The following RAD21L1 variants were observed in gnomAD, a reference collection of about 807,000 sequenced individuals.
The protein encoded by RAD21L1 is RAD21 cohesin complex component like 1.
Under a neutral mutation model 69.0 loss-of-function variants are expected in RAD21L1, and 47 were observed. The observed-to-expected ratio is 0.68, with a 90% CI of 0.54 to 0.87. The LOEUF is 0.87. Among genes scored for constraint, RAD21L1 ranks in the 40% least tolerant of loss-of-function variants. The pLI is 0.00. For synonymous variants in RAD21L1, 177 were observed against 205.8 expected, an observed-to-expected ratio of 0.86 and a Z score of 1.20; for missense variants, 583 against 647.6, an observed-to-expected ratio of 0.90 and a Z score of 1.08.
Position 1,244,059 on chromosome 20 carries a change from G to T in RAD21L1, c.1197G>T (p.Met399Ile), listed in dbSNP as rs749666847. The T allele has an allele frequency of 6.5e-7, 1 of 1,549,970 alleles. No homozygotes were observed. Among genetic ancestry groups the T allele is most frequent in the South Asian group, 1.2e-5 (1 of 83,810 alleles). ...TTGATAATTCAGAGACATCCATGATGCAAGAGCCAAATTACCAGCAAGAGT... is the reference window on the plus strand; with the variant it reads ...TTGATAATTCAGAGACATCCATGATTCAAGAGCCAAATTACCAGCAAGAGT... ...GNQNIVETSMMQEPNYQQELS... is the reference protein window; with the variant it reads ...GNQNIVETSMIQEPNYQQELS... The change falls in exon 11 of 14, where the codon ATG becomes ATT. Residue 399 changes from methionine to isoleucine, a missense_variant. By Grantham distance (10) the Met-to-Ile change is conservative (BLOSUM62 1). Coordinates refer to ENST00000683101, the MANE Select transcript of RAD21L1 (RefSeq NM_001384355.1).
In RAD21L1 at chr20:1,244,315, G is replaced by A. The variant is rs2087677791; in HGVS notation, c.1308+145G>A. 3 of 594,696 alleles carry A rather than the reference G, an allele frequency of 5.0e-6. No individual in the cohort carries two copies. The East Asian group carries it at 9.3e-5, about 18-fold the overall frequency. 36.8% of individuals were successfully genotyped at this position (594,696 alleles called of 1,614,324 possible). ...TTGCAATTTGTTTAGTAAGTAGCAG[G>A]GTAAAACATGATTTTCTTCTGCAGA... On this transcript the variant is annotated intron_variant, in intron 11 of 13. Transcript: ENST00000683101.
At chr20:1,248,954 C>T (rs891008155) in intron 13 of RAD21L1, among the ~76,000 whole-genome samples, 1 of 152,108 alleles carries the variant, frequency 6.6e-6, no homozygotes, top group Non-Finnish European at 1.5e-5. Flanking sequence ...GTCCCATCCT[C>T]GTTTTTAGCA....
rs1226748184 is a variant in RAD21L1, at chr20:1,242,653, A to T, written c.891A>T (p.Arg297Ser). The T allele has an allele frequency of 6.4e-7, 1 of 1,551,452 alleles. No homozygotes were observed. The highest frequency in any genetic ancestry group is 1.2e-5 in the South Asian group (1 of 84,066). The change falls in exon 9 of 14, where the codon AGA becomes AGT. Residue 297 changes from arginine to serine, a missense_variant. By Grantham distance (110) the Arg-to-Ser change is moderately radical. Transcript: ENST00000683101. Reference sequence around the variant, plus strand: ...AGAAAAGGAAAGGCAAAAAGAGGAGATTGCTCATAGATCCTATCAAGGAGC... The same window carrying T: ...AGAAAAGGAAAGGCAAAAAGAGGAGTTTGCTCATAGATCCTATCAAGGAGC... ...IAEKRKGKKR[R>S]LLIDPIKELS...
intron 10 of RAD21L1, among the ~76,000 whole-genome samples, chr20:1,243,522 G>C (rs1038126594): frequency 2.0e-5 from 3 of 152,056 alleles, no homozygotes; most frequent in Non-Finnish European, 4.4e-5. Flanking sequence ...TATCTAGCAA[G>C]ATAAAGTTTC....
chr20:1,239,300 G>A lies in RAD21L1; in HGVS notation c.647-12G>A, dbSNP rs2087560112. ...CAGTCTGTATGAAAAAATATTCATT[G>A]TGTTTTTCAAGACAATCTATTGCAA... On this transcript the variant is annotated splice_polypyrimidine_tract_variant and intron_variant, in intron 6 of 13. Coordinates refer to ENST00000683101, the MANE Select transcript of RAD21L1 (RefSeq NM_001384355.1). 7.1e-7 allele frequency: 1 copy of A among 1,409,914 alleles called. No homozygotes were observed. Among genetic ancestry groups the A allele is most frequent in the African/African-American group, 1.4e-5 (1 of 69,708 alleles). The allele number at this position is 1,409,914 out of a possible 1,614,324, so 87.3% of individuals were successfully genotyped here.
intron 5 of RAD21L1, 40 bp downstream of exon 5, chr20:1,234,231 A>G: frequency 3.3e-6 from 3 of 909,082 alleles, no homozygotes; most frequent in Non-Finnish European, 5.3e-6. Context: ...AATTATAATC[A>G]ATTATATTTG....
chr20:1,231,644 T>A (rs2087393345), intron 4 of RAD21L1, 25 bp downstream of exon 4: 1 of 1,141,324 alleles, frequency 8.8e-7, no homozygotes, highest in Non-Finnish European at 1.3e-6. Context: ...TTATTTTCCT[T>A]CGATTTAATT....
rs2087560954 is a variant in RAD21L1, at chr20:1,239,339, T to A, written c.674T>A (p.Ile225Asn). 1.0e-5 allele frequency: 16 copies of A among 1,547,472 alleles called. No homozygotes were observed. The highest frequency in any genetic ancestry group is 1.4e-5 in the Non-Finnish European group (16 of 1,143,330). Residue 225 changes from isoleucine to asparagine, a missense_variant, in exon 7 of 14, where the codon ATC becomes AAC. Transcript: ENST00000683101. The part of the protein sequence containing the change: ...IDNLLQDDQN[I>N]LLEDMHLNRE... ...AATCTATTGCAAGATGATCAGAATA[T>A]CCTGTTAGAAGACATGCATTTGAAC...
At position 1,254,266 on chromosome 20, in the gene RAD21L1, C is replaced by T; in HGVS notation, c.1480-3C>T. On this transcript the variant is annotated splice_region_variant and splice_polypyrimidine_tract_variant and intron_variant, in intron 13 of 13. Transcript: ENST00000683101. ...CTTTTTTCTTTTCTAATTATTTTCC[C>T]AGGAATCTAACAAGATGGGAATGCA... 2.0e-6 allele frequency: 3 copies of T among 1,468,150 alleles called. No homozygotes were observed. The highest frequency in any genetic ancestry group is 2.7e-6 in the Non-Finnish European group (3 of 1,099,000). The allele number at this position is 1,468,150 out of a possible 1,614,324, so 90.9% of individuals were successfully genotyped here.
At chr20:1,227,362 G>T (rs1568513006) in intron 1 of RAD21L1, among the ~76,000 whole-genome samples, 1 of 152,260 alleles carries the variant, frequency 6.6e-6, no homozygotes, top group East Asian at 1.9e-4. Context: ...ATCTCCAGCT[G>T]CCCCGTAGGG....
rs1193725184 is a variant in RAD21L1, at chr20:1,244,190, T to C, written c.1308+20T>C. The C allele has an allele frequency of 6.7e-7, 1 of 1,489,264 alleles. No individual in the cohort carries two copies. Among genetic ancestry groups the C allele is most frequent in the Admixed American group, 2.2e-5 (1 of 46,440 alleles). 92.3% of individuals were successfully genotyped at this position (1,489,264 alleles called of 1,614,324 possible). A position where few individuals can be genotyped will look rare whatever the true frequency, so the allele number is the denominator to read the frequency against. ...TCTGAGGTAAGTTATCCAGAGAGAA[T>C]CGTAAAAATATTTTATTTTCTACAG... On this transcript the variant is annotated intron_variant, in intron 11 of 13. Transcript: ENST00000683101.
chr20:1,229,628 C>CTG (rs2087349097), intron 2 of RAD21L1, among the ~76,000 whole-genome samples: 1 of 152,232 alleles, frequency 6.6e-6, no homozygotes, highest in African/African-American at 2.4e-5. Context: ...CCAATTCTGA[C>CTG]TACAGAGTTT....
chr20:1,227,510 C>T (rs548598821), intron 1 of RAD21L1, among the ~76,000 whole-genome samples: 1 of 152,304 alleles, frequency 6.6e-6, no homozygotes, highest in Admixed American at 6.5e-5. Context: ...GCTCAGTTTT[C>T]TCTTTTATCA....
chr20:1,239,249 A>G (rs1600223062), intron 6 of RAD21L1, 63 bp from the exon 7 acceptor site: 7 of 859,118 alleles, frequency 8.1e-6, no homozygotes, highest in Non-Finnish European at 1.3e-5. Flanking sequence ...ACATTAATAA[A>G]TGTTTAGTGA....
chr20:1,251,973 A>G (rs982490475), intron 13 of RAD21L1, among the ~76,000 whole-genome samples: 11 of 152,164 alleles, frequency 7.2e-5, no homozygotes, highest in African/African-American at 2.7e-4. Context: ...GAGTAAACAT[A>G]TATCAAACCA....
chr20:1,252,832 GT>G (rs2087862344), intron 13 of RAD21L1, among the ~76,000 whole-genome samples: 1 of 152,156 alleles, frequency 6.6e-6, no homozygotes, highest in South Asian at 2.1e-4. Context: ...TTAGGGTTCA[GT>G]TGTCTCTACT....
chr20:1,238,019 G>A, intron 5 of RAD21L1, 25 bp from the exon 6 acceptor site: 1 of 1,301,282 alleles, frequency 7.7e-7, no homozygotes, highest in East Asian at 2.5e-5. Context: ...CTATGAATTA[G>A]TATTAATGAT....
intron 9 of RAD21L1, 104 bp downstream of exon 9, chr20:1,242,949 C>A: frequency 2.1e-6 from 2 of 948,668 alleles, no homozygotes; most frequent in Non-Finnish European, 3.2e-6. Context: ...AGAATTTAAA[C>A]TTGCGAAGAA....
intron 10 of RAD21L1, among the ~76,000 whole-genome samples, chr20:1,243,617 C>T (rs2087662921): frequency 6.6e-6 from 1 of 152,112 alleles, no homozygotes; most frequent in Non-Finnish European, 1.5e-5. Context: ...TTTCTGTCTA[C>T]CCAAAAGGCA....
Sources: allele counts gnomAD v4.1 joint callset (sites outside exome capture counted in the v4.1 genomes callset), GRCh38; gene constraint gnomAD v4.1.1; transcripts MANE v1.5; gene names NCBI Gene and HGNC (gene_info 2026-07-23, HGNC 2026-07-21).